The following GSAP variants were observed in gnomAD, a reference collection of about 807,000 sequenced individuals.
The protein encoded by GSAP is gamma-secretase-activating protein.
In GSAP, 118 loss-of-function variants were observed where a neutral mutation model predicts 131.7. The observed-to-expected ratio is 0.90, with a 90% CI of 0.77 to 1.04. The LOEUF is 1.04. Ranked by LOEUF, GSAP falls within the 50% of genes least tolerant of loss-of-function variation. The pLI, the probability that GSAP is intolerant of heterozygous loss-of-function variation, is 0.00. For missense variants in GSAP, 1,019 were observed against 1,013.2 expected (o/e 1.01, Z -0.08); for synonymous variants, 381 against 363.4 (o/e 1.05, Z -0.55).
chr7:77,328,467 C>G, intron 22 of GSAP, 139 bp downstream of exon 22: 8 of 1,415,162 alleles, frequency 5.7e-6, no homozygotes, highest in Non-Finnish European at 7.4e-6. Flanking sequence ...GCCACTCTAA[C>G]AGCAAGATAT....
intron 28 of GSAP, among the ~76,000 whole-genome samples, chr7:77,312,734 C>T (rs1794538216): frequency 6.6e-6 from 1 of 152,194 alleles, no homozygotes; most frequent in Admixed American, 6.5e-5. Context: ...AGGGCCACTA[C>T]AGAGCAGGGC....
At chr7:77,328,349 A>G (rs1788608234) in intron 22 of GSAP, 3 of 1,236,006 alleles carry the variant, frequency 2.4e-6, no homozygotes, top group African/African-American at 1.6e-5. Flanking sequence ...ATGACAGGAA[A>G]TAAGGAGAAC....
intron 19 of GSAP, among the ~76,000 whole-genome samples, chr7:77,335,870 T>C (rs1789907275): frequency 6.6e-6 from 1 of 152,190 alleles, no homozygotes; most frequent in East Asian, 1.9e-4. Flanking sequence ...TCCATCTCAG[T>C]ATCAGCTTTT....
chr7:77,387,269 G>A, intron 6 of GSAP, 91 bp downstream of exon 6: 2 of 723,700 alleles, frequency 2.8e-6, no homozygotes, highest in Non-Finnish European at 5.0e-6. Context: ...GATTAAATAT[G>A]ATAGAGTGAA....
intron 13 of GSAP, 57 bp downstream of exon 13, chr7:77,362,526 T>A (rs1200940761): frequency 1.1e-6 from 1 of 900,456 alleles, no homozygotes; most frequent in African/African-American, 1.7e-5. Flanking sequence ...CTATCTAATT[T>A]GCTACTATTT....
intron 12 of GSAP, among the ~76,000 whole-genome samples, chr7:77,366,283 G>C (rs185783162): frequency 1.3e-5 from 2 of 152,166 alleles, no homozygotes; most frequent in African/African-American, 4.8e-5. Flanking sequence ...GATTACTTTT[G>C]ATGTCTTTGT....
intron 8 of GSAP, chr7:77,379,712 T>G: frequency 2.2e-4 from 43 of 195,096 alleles, no homozygotes; most frequent in Non-Finnish European, 3.6e-4. Flanking sequence ...GATTCAGCCT[T>G]GATCTTTCCT....
intron 5 of GSAP, among the ~76,000 whole-genome samples, chr7:77,396,470 A>G (rs1202004153): frequency 1.3e-5 from 2 of 152,088 alleles, no homozygotes; most frequent in Admixed American, 6.6e-5. Flanking sequence ...GGCACTCAAT[A>G]CTGTTGAGTT....
At chr7:77,349,485 GCA>G (rs1792444926) in intron 18 of GSAP, 81 bp from the exon 19 acceptor site, 11 of 1,218,078 alleles carry the variant, frequency 9.0e-6, no homozygotes, top group Non-Finnish European at 1.3e-5. Context: ...AGTGTTTTCT[GCA>G]CAGACAGAAG....
At position 77,364,071 on chromosome 7, in the gene GSAP, T is replaced by G. The variant is rs573347909; in HGVS notation, c.872-1411A>C. Among the ~76,000 whole-genome samples, 239 of 152,260 alleles carry G rather than the reference T, an allele frequency of 1.6e-3. 1 individual carries two copies. The highest frequency in any genetic ancestry group is 5.4e-3 in the African/African-American group (225 of 41,554). On this transcript the variant is annotated intron_variant, in intron 12 of 30. Coordinates refer to ENST00000257626, the MANE Select transcript of GSAP (RefSeq NM_017439.4). ...AAAAAAAAGACTTTAGATTCTCTAG[T>G]AATAAATAAAAATTAAAACAAGGTA...
intron 1 of GSAP, among the ~76,000 whole-genome samples, chr7:77,410,335 G>A (rs868390759): frequency 7.2e-5 from 11 of 152,058 alleles, no homozygotes; most frequent in South Asian, 2.1e-4. Context: ...TTAAGCCATC[G>A]GCTCTTCCTC....
At chr7:77,321,055 T>C (rs1787573486) in intron 25 of GSAP, among the ~76,000 whole-genome samples, 1 of 152,236 alleles carries the variant, frequency 6.6e-6, no homozygotes, top group African/African-American at 2.4e-5. Flanking sequence ...TTGGCAGTAC[T>C]GGGCTCATTT....
chr7:77,344,802 C>T (rs1388103988), intron 19 of GSAP, among the ~76,000 whole-genome samples: 3 of 152,152 alleles, frequency 2.0e-5, no homozygotes, highest in Non-Finnish European at 4.4e-5. Context: ...CTCTACCTCT[C>T]CCCAGCTATC....
chr7:77,408,542 A>G (rs1418134514), intron 1 of GSAP, among the ~76,000 whole-genome samples: 1 of 152,012 alleles, frequency 6.6e-6, no homozygotes, highest in African/African-American at 2.4e-5. Flanking sequence ...CTACTAAAAA[A>G]TACAGAAAAT....
At chr7:77,348,397 T>C (rs1308740564) in intron 19 of GSAP, among the ~76,000 whole-genome samples, 1 of 152,180 alleles carries the variant, frequency 6.6e-6, no homozygotes, top group Non-Finnish European at 1.5e-5. Context: ...GGATTCTTCT[T>C]AGGACCAAAA....
intron 1 of GSAP, among the ~76,000 whole-genome samples, chr7:77,406,965 G>C (rs554388881): frequency 1.3e-5 from 2 of 152,194 alleles, no homozygotes; most frequent in Admixed American, 6.5e-5. Context: ...TGATAAAGAG[G>C]CCTCTAAATG....
chr7:77,362,900 AAC>A (rs1210381208), intron 12 of GSAP, among the ~76,000 whole-genome samples: 2 of 152,228 alleles, frequency 1.3e-5, no homozygotes, highest in African/African-American at 2.4e-5. Context: ...TAGGAAAATG[AAC>A]ACAGATATAC....
chr7:77,328,346 G>A, intron 22 of GSAP: 1 of 1,232,858 alleles, frequency 8.1e-7, no homozygotes, highest in Non-Finnish European at 1.0e-6. Flanking sequence ...TGTATGACAG[G>A]AAATAAGGAG....
intron 19 of GSAP, among the ~76,000 whole-genome samples, chr7:77,347,563 C>T (rs1376437237): frequency 1.3e-5 from 2 of 152,070 alleles, no homozygotes; most frequent in African/African-American, 2.4e-5. Context: ...AGAGTTTTTC[C>T]TCACACACTT....
Sources: gnomAD v4.1 joint callset for allele counts (sites outside exome capture counted in the v4.1 genomes callset) on GRCh38, gnomAD v4.1.1 for gene constraint, MANE v1.5 for transcripts, NCBI Gene and HGNC (gene_info 2026-07-23, HGNC 2026-07-21) for gene names.